Variants in THSD4 observed in about 807,000 individuals in gnomAD.
THSD4 encodes the protein thrombospondin type 1 domain containing 4.
In THSD4, 69 loss-of-function variants were observed where a neutral mutation model predicts 119.0. That is an observed-to-expected ratio of 0.58 (90% CI 0.48 to 0.71). The LOEUF (loss-of-function observed/expected upper bound fraction) is 0.71, where lower values mean the gene tolerates loss of function less well. THSD4 is among the 30% of genes least tolerant of loss of function. The pLI is 0.00. For synonymous variants in THSD4, 524 were observed against 540.4 expected, an observed-to-expected ratio of 0.97 and a Z score of 0.42; for missense variants, 1,393 against 1,391.1, an observed-to-expected ratio of 1.00 and a Z score of -0.02.
Position 71,609,482 on chromosome 15 carries a change from A to T in THSD4, c.1153-51048A>T, listed in dbSNP as rs971016165. ...AACTTGGGCTGTGGCCAGATTAGCC[A>T]CATTGATCTGCTCTCTTGGAAGCCT... On this transcript the variant is annotated intron_variant, in intron 7 of 17. Coordinates refer to ENST00000261862, the MANE Select transcript of THSD4 (RefSeq NM_024817.3). 2.0e-4 allele frequency among the ~76,000 whole-genome samples: 31 copies of T among 152,278 alleles called. 2 individuals are homozygous for T. The highest frequency in any genetic ancestry group is 5.3e-4 in the African/African-American group (22 of 41,556).
At chr15:71,182,481 G>A (rs895337642) in intron 3 of THSD4, among the ~76,000 whole-genome samples, 1 of 151,674 alleles carries the variant, frequency 6.6e-6, no homozygotes, top group African/African-American at 2.4e-5. Context: ...GAAAAAATGA[G>A]TATTTTATGT....
At chr15:71,429,163 C>G (rs112441811) in intron 7 of THSD4, among the ~76,000 whole-genome samples, 8 of 152,220 alleles carry the variant, frequency 5.3e-5, no homozygotes, top group Middle Eastern at 3.4e-3. Flanking sequence ...TTGTAAAATG[C>G]GTGACACAGG....
At chr15:71,680,652 G>A (rs1473833905) in intron 8 of THSD4, among the ~76,000 whole-genome samples, 1 of 152,208 alleles carries the variant, frequency 6.6e-6, no homozygotes, top group Non-Finnish European at 1.5e-5. Flanking sequence ...AGGACCCAAA[G>A]TACTGTCTCA....
chr15:71,365,131 T>TTGTGTG (rs10690804), intron 6 of THSD4, among the ~76,000 whole-genome samples: 6,077 of 135,846 alleles, frequency 0.045, 213 homozygotes, highest in South Asian at 0.072. Context: ...GCCCCCCCCA[T>TTGTGTG]TGTGTGTGTG....
intron 7 of THSD4, among the ~76,000 whole-genome samples, chr15:71,571,046 G>A (rs772305341): frequency 2.6e-5 from 4 of 152,166 alleles, no homozygotes; most frequent in Admixed American, 6.5e-5. Context: ...GCTGTGAGAC[G>A]TCAGAACTCC....
chr15:71,652,218 C>T (rs2051104807), intron 7 of THSD4, among the ~76,000 whole-genome samples: 1 of 152,162 alleles, frequency 6.6e-6, no homozygotes, highest in African/African-American at 2.4e-5. Context: ...CCTTATCAGC[C>T]CCAAACCACA....
chr15:71,203,776 G>A (rs1359113498), intron 3 of THSD4, among the ~76,000 whole-genome samples: 3 of 152,214 alleles, frequency 2.0e-5, no homozygotes, highest in Admixed American at 2.0e-4. Context: ...CACTCAGCAG[G>A]TGTTTGTTGA....
intron 7 of THSD4, among the ~76,000 whole-genome samples, chr15:71,437,497 G>A (rs775013447): frequency 1.3e-5 from 2 of 152,190 alleles, no homozygotes; most frequent in South Asian, 2.1e-4. Flanking sequence ...GGCAGGTGTG[G>A]ACTTTAGGAA....
intron 6 of THSD4, among the ~76,000 whole-genome samples, chr15:71,339,493 C>G (rs1408212608): frequency 6.6e-6 from 1 of 152,074 alleles, no homozygotes; most frequent in Non-Finnish European, 1.5e-5. Flanking sequence ...CACTCTCTAA[C>G]AATATAACCT....
At chr15:71,547,643 A>G in intron 7 of THSD4, 2 of 784,792 alleles carry the variant, frequency 2.5e-6, no homozygotes, top group Non-Finnish European at 1.9e-6. Context: ...TTATATGAAG[A>G]CTTCTTTTCT....
intron 13 of THSD4, among the ~76,000 whole-genome samples, chr15:71,747,961 T>C (rs777167912): frequency 2.6e-5 from 4 of 152,218 alleles, no homozygotes; most frequent in Non-Finnish European, 5.9e-5. Context: ...TTGCCTGCCA[T>C]GGCGTTGGGT....
At chr15:71,130,300 C>G (rs1355550227) in intron 1 of THSD4, among the ~76,000 whole-genome samples, 1 of 152,162 alleles carries the variant, frequency 6.6e-6, no homozygotes. Context: ...ATCCTCCCAC[C>G]TCAGCCTCCT....
chr15:71,477,313 C>T (rs1032491497), intron 7 of THSD4, among the ~76,000 whole-genome samples: 2 of 152,076 alleles, frequency 1.3e-5, no homozygotes, highest in African/African-American at 4.8e-5. Flanking sequence ...AGTAAAGCTC[C>T]GAGCATATGT....
At chr15:71,133,423 G>T (rs1349347285) in intron 1 of THSD4, among the ~76,000 whole-genome samples, 1 of 152,192 alleles carries the variant, frequency 6.6e-6, no homozygotes, top group Non-Finnish European at 1.5e-5. Context: ...GGGAACACCT[G>T]CTGCACCCCA....
At chr15:71,670,614 A>T (rs986623135) in intron 8 of THSD4, among the ~76,000 whole-genome samples, 6 of 151,724 alleles carry the variant, frequency 4.0e-5, no homozygotes, top group African/African-American at 1.5e-4. Context: ...TGTCATTTAC[A>T]TTAGGTATAT....
At chr15:71,341,889 C>T (rs762342921) in intron 6 of THSD4, among the ~76,000 whole-genome samples, 24 of 151,926 alleles carry the variant, frequency 1.6e-4, no homozygotes, top group African/African-American at 5.1e-4. Context: ...AATGCTCTAA[C>T]GATTTTTTTT....
chr15:71,325,954 C>T (rs931163608), intron 6 of THSD4, among the ~76,000 whole-genome samples: 1 of 152,166 alleles, frequency 6.6e-6, no homozygotes. Context: ...TAATAATATG[C>T]ATGTAAAATA....
chr15:71,434,485 T>C (rs1017090478), intron 7 of THSD4, among the ~76,000 whole-genome samples: 2 of 140,130 alleles, frequency 1.4e-5, no homozygotes, highest in African/African-American at 2.6e-5. Context: ...GGTTTAAGGA[T>C]TGATAGAAGT....
At chr15:71,121,330 T>C (rs2040407330) in intron 1 of THSD4, among the ~76,000 whole-genome samples, 1 of 151,978 alleles carries the variant, frequency 6.6e-6, no homozygotes, top group Non-Finnish European at 1.5e-5. Context: ...ATCTCAGGCG[T>C]GTAGAAAAGT....
Sources: gnomAD v4.1 joint callset for allele counts (sites outside exome capture counted in the v4.1 genomes callset) on GRCh38, gnomAD v4.1.1 for gene constraint, MANE v1.5 for transcripts, NCBI Gene and HGNC (gene_info 2026-07-23, HGNC 2026-07-21) for gene names.